CHUK: variants seen among roughly 807,000 people sequenced by gnomAD.
CHUK encodes inhibitor of nuclear factor kappa-B kinase subunit alpha.
A neutral mutation model predicts 104.8 loss-of-function variants in CHUK; 35 were observed. That is an observed-to-expected ratio of 0.33 (90% confidence interval 0.26 to 0.44). The LOEUF is 0.44. CHUK is among the 20% of genes least tolerant of loss of function. The pLI is 1.00. For missense variants in CHUK, 663 were observed against 902.7 expected, an observed-to-expected ratio of 0.73 and a Z score of 3.40; for synonymous variants, 276 against 291.9, an observed-to-expected ratio of 0.95 and a Z score of 0.56.
chr10:100,193,663 G>T, intron 18 of CHUK: 1 of 603,790 alleles, frequency 1.7e-6, no homozygotes, highest in South Asian at 2.0e-5. Flanking sequence ...CATTTTAGTT[G>T]AAGAAAGAAA....
At chr10:100,201,862 A>G (rs1845471249) in intron 14 of CHUK, among the ~76,000 whole-genome samples, 1 of 152,116 alleles carries the variant, frequency 6.6e-6, no homozygotes, top group Non-Finnish European at 1.5e-5. Flanking sequence ...CAAAAAATAA[A>G]TAAATAAAGG....
intron 2 of CHUK, among the ~76,000 whole-genome samples, chr10:100,223,715 C>A (rs1262545289): frequency 6.6e-6 from 1 of 152,146 alleles, no homozygotes; most frequent in Non-Finnish European, 1.5e-5. Context: ...TGCCACATAA[C>A]CAAGTTTGAG....
intron 1 of CHUK, among the ~76,000 whole-genome samples, chr10:100,226,979 G>A (rs541320988): frequency 1.3e-4 from 20 of 152,172 alleles, no homozygotes; most frequent in Non-Finnish European, 2.8e-4. Flanking sequence ...CTGCATGCTA[G>A]CCTACCCACA....
At chr10:100,219,436 G>T in intron 5 of CHUK, 77 bp from the exon 6 acceptor site, 2 of 856,404 alleles carry the variant, frequency 2.3e-6, no homozygotes, top group Non-Finnish European at 3.9e-6. Flanking sequence ...TCCTTACGAG[G>T]CTGTAGACAG....
chr10:100,197,601 ACCTATATTTACGTTTTCTCTCTCT>A (rs1845364582), intron 16 of CHUK, among the ~76,000 whole-genome samples: 1 of 152,132 alleles, frequency 6.6e-6, no homozygotes, highest in Non-Finnish European at 1.5e-5. Context: ...AAACAAAAAA[ACCTATATTTACGTTTTCTCTCTCT>A]CCTATATTTA....
chr10:100,193,874 C>T, intron 18 of CHUK, 110 bp downstream of exon 18: 1 of 969,264 alleles, frequency 1.0e-6, no homozygotes, highest in Non-Finnish European at 1.6e-6. Flanking sequence ...CATCCCAATG[C>T]AAAATATACA....
chr10:100,211,859 T>G (rs913388215), intron 9 of CHUK, among the ~76,000 whole-genome samples: 2 of 150,888 alleles, frequency 1.3e-5, no homozygotes, highest in Non-Finnish European at 2.9e-5. Flanking sequence ...AGAAATGACA[T>G]TGTTGAATCT....
Position 100,220,582 on chromosome 10 carries a change from A to G in CHUK, c.474+6T>C, listed in dbSNP as rs1251748296. The G allele has an allele frequency of 6.3e-7, 1 of 1,590,676 alleles. No individual in the cohort carries two copies. The highest frequency in any genetic ancestry group is 1.7e-5 in the Admixed American group (1 of 59,984). On this transcript the variant is annotated splice_donor_region_variant and intron_variant, in intron 5 of 20. Coordinates refer to ENST00000370397, the MANE Select transcript of CHUK (RefSeq NM_001278.5). ...GGCATGAAACATTACTTCAGGTTTC[A>G]CCTACCTTTCCACCAACATCCTGAA...
In CHUK at chr10:100,194,539, C is replaced by G; in HGVS notation, c.1730-18G>C. On this transcript the variant is annotated intron_variant, in intron 16 of 20. Coordinates refer to ENST00000370397, the MANE Select transcript of CHUK (RefSeq NM_001278.5). ...GGAGTGATCTATAAAAGACATCAGT[C>G]AGTGGATATAACCTTTCTTCTGTAA... 6.5e-7 allele frequency: 1 copy of G among 1,527,472 alleles called. No individual in the cohort carries two copies. Among genetic ancestry groups the G allele is most frequent in the Non-Finnish European group, 9.1e-7 (1 of 1,102,170 alleles). The allele number at this position is 1,527,472 out of a possible 1,614,324, so 94.6% of individuals were successfully genotyped here.
intron 5 of CHUK, 128 bp from the exon 6 acceptor site, chr10:100,219,487 T>G (rs967626126): frequency 1.5e-6 from 1 of 653,106 alleles, no homozygotes. Flanking sequence ...AACACAAAAA[T>G]ATTTCAAGTC....
At position 100,204,489 on chromosome 10, in the gene CHUK, A is replaced by T. The variant is rs199531029; in HGVS notation, c.1507+17T>A. ...GAAACCAGATGCTCCTTTCAAATAC[A>T]TTACACAGACACTTACATATCCCAT... is the stretch of plus-strand genomic sequence containing the variant. On this transcript the variant is annotated intron_variant, in intron 13 of 20. Transcript: ENST00000370397. 5.7e-5 allele frequency: 92 copies of T among 1,609,854 alleles called. No homozygotes were observed. The East Asian group carries it at 2.0e-3, about 36-fold the overall frequency.
At chr10:100,204,678 A>G in intron 12 of CHUK, 21 bp from the exon 13 acceptor site, 2 of 1,564,322 alleles carry the variant, frequency 1.3e-6, no homozygotes, top group Non-Finnish European at 1.8e-6. Flanking sequence ...GCAAGAAAAA[A>G]AAGAAAAAGA....
intron 8 of CHUK, 53 bp from the exon 9 acceptor site, chr10:100,218,183 C>T (rs1408166958): frequency 1.3e-6 from 2 of 1,497,784 alleles, no homozygotes. Flanking sequence ...TCCAATTTCC[C>T]TTTATACTGT....
intron 16 of CHUK, among the ~76,000 whole-genome samples, chr10:100,197,389 C>G (rs1340011572): frequency 7.2e-5 from 11 of 152,170 alleles, no homozygotes; most frequent in Non-Finnish European, 1.3e-4. Context: ...CACCTCTCTT[C>G]TTTCCTGAGC....
intron 11 of CHUK, among the ~76,000 whole-genome samples, chr10:100,205,877 A>C (rs955174253): frequency 1.3e-5 from 2 of 152,214 alleles, no homozygotes; most frequent in African/African-American, 4.8e-5. Context: ...GCAGTGAGCC[A>C]AGATTGTGCC....
chr10:100,192,275 G>C (rs746223648), intron 19 of CHUK, among the ~76,000 whole-genome samples: 8 of 151,982 alleles, frequency 5.3e-5, no homozygotes, highest in Admixed American at 5.2e-4. Context: ...CTTTAATAAA[G>C]GCAAAAAAGT....
intron 11 of CHUK, among the ~76,000 whole-genome samples, chr10:100,206,942 A>G (rs771798645): frequency 1.3e-5 from 2 of 152,230 alleles, no homozygotes; most frequent in Non-Finnish European, 2.9e-5. Context: ...ATGAAGAGAC[A>G]ATTAAAAAGC....
chr10:100,197,769 C>T (rs1032270787), intron 16 of CHUK, among the ~76,000 whole-genome samples: 8 of 152,082 alleles, frequency 5.3e-5, no homozygotes, highest in Non-Finnish European at 1.2e-4. Context: ...GTTACTGCTA[C>T]TTGAGATACT....
Position 100,212,249 on chromosome 10 carries a change from T to C in CHUK, c.934-2460A>G, listed in dbSNP as rs117190675. ...CCCACAATAGCTGTAATAATTTACA[T>C]TCCCACCAACAGTGTACAAGGGATT... On this transcript the variant is annotated intron_variant, in intron 9 of 20. Transcript: ENST00000370397. 5.1e-4 allele frequency among the ~76,000 whole-genome samples: 77 copies of C among 152,304 alleles called. No homozygotes were observed. In the East Asian group the frequency reaches 0.013, roughly 26 times the overall value.
Sources: allele counts gnomAD v4.1 joint callset (sites outside exome capture counted in the v4.1 genomes callset), GRCh38; gene constraint gnomAD v4.1.1; transcripts MANE v1.5; gene names NCBI Gene and HGNC (gene_info 2026-07-23, HGNC 2026-07-21).